The following AMPD3 variants were observed in gnomAD, a reference collection of about 807,000 sequenced individuals.
The protein encoded by AMPD3 is adenosine monophosphate deaminase 3.
Under a neutral mutation model 82.3 loss-of-function variants are expected in AMPD3, and 57 were observed. That is an observed-to-expected ratio of 0.69 (90% CI 0.56 to 0.86). The LOEUF (loss-of-function observed/expected upper bound fraction) is 0.86, where lower values mean the gene tolerates loss of function less well. Ranked by LOEUF, AMPD3 falls within the 40% of genes least tolerant of loss-of-function variation. AMPD3 has a pLI of 0.00. For missense variants in AMPD3, 870 were observed against 1,003.8 expected, an observed-to-expected ratio of 0.87 and a Z score of 1.80; for synonymous variants, 381 against 394.7, an observed-to-expected ratio of 0.97 and a Z score of 0.41.
At chr11:10,472,486 A>G (rs775340982) in intron 2 of AMPD3, among the ~76,000 whole-genome samples, 1 of 152,232 alleles carries the variant, frequency 6.6e-6, no homozygotes. Flanking sequence ...AAATTTTATT[A>G]GTTGAAAAAT....
chr11:10,486,880 A>G (rs1849086136), intron 5 of AMPD3: 2 of 985,342 alleles, frequency 2.0e-6, no homozygotes, highest in South Asian at 4.7e-5. Flanking sequence ...TTTCCCAGGC[A>G]TAAACCAGTT....
intron 1 of AMPD3, among the ~76,000 whole-genome samples, chr11:10,458,525 T>C (rs912034624): frequency 6.6e-6 from 1 of 152,178 alleles, no homozygotes; most frequent in Non-Finnish European, 1.5e-5. Flanking sequence ...TCATTTTGAC[T>C]GCGTGAATCT....
chr11:10,462,831 G>C (rs1339350740), intron 2 of AMPD3, among the ~76,000 whole-genome samples: 1 of 152,210 alleles, frequency 6.6e-6, no homozygotes, highest in African/African-American at 2.4e-5. Flanking sequence ...AGGGTATAAA[G>C]AAGCTAGCTA....
chr11:10,486,983 G>A, intron 5 of AMPD3: 1 of 985,386 alleles, frequency 1.0e-6, no homozygotes, highest in Non-Finnish European at 1.2e-6. Context: ...TAAACAAGAA[G>A]TCAAAACACC....
chr11:10,470,362 T>C (rs1007583635), intron 2 of AMPD3, among the ~76,000 whole-genome samples: 1 of 152,192 alleles, frequency 6.6e-6, no homozygotes, highest in Admixed American at 6.5e-5. Context: ...AATATCATAC[T>C]GAATGGGCAA....
chr11:10,479,622 T>G (rs1157507855), intron 3 of AMPD3, among the ~76,000 whole-genome samples: 1 of 152,236 alleles, frequency 6.6e-6, no homozygotes, highest in Non-Finnish European at 1.5e-5. Context: ...ACCACTGGTT[T>G]TAGTTTCTTA....
intron 9 of AMPD3, chr11:10,496,159 C>G: frequency 1.1e-6 from 1 of 912,086 alleles, no homozygotes; most frequent in Non-Finnish European, 1.3e-6. Context: ...TCGTGATCCA[C>G]CTGCCTCAGC....
At chr11:10,472,879 C>T (rs1361555901) in intron 2 of AMPD3, among the ~76,000 whole-genome samples, 1 of 151,958 alleles carries the variant, frequency 6.6e-6, no homozygotes, top group Non-Finnish European at 1.5e-5. Flanking sequence ...TGGCACATGT[C>T]TGTAATCCCA....
chr11:10,464,741 G>T (rs1481031713), intron 2 of AMPD3, among the ~76,000 whole-genome samples: 2 of 152,168 alleles, frequency 1.3e-5, no homozygotes, highest in Non-Finnish European at 2.9e-5. Context: ...ATGTTCGAAA[G>T]TTAACATTTT....
chr11:10,487,384 T>A lies in AMPD3; in HGVS notation c.939+20T>A. 6.2e-7 allele frequency: 1 copy of A among 1,613,662 alleles called. No homozygotes were observed. Among genetic ancestry groups the A allele is most frequent in the Non-Finnish European group, 8.5e-7 (1 of 1,179,740 alleles). On this transcript the variant is annotated intron_variant, in intron 6 of 14. Transcript: ENST00000396553. ...AGAAAGGTGCGTTAGGGGCGAGTGTTCACAGCTGCCTCACCCGGTCCCCCT... is the reference window on the plus strand; with the variant it reads ...AGAAAGGTGCGTTAGGGGCGAGTGTACACAGCTGCCTCACCCGGTCCCCCT...
intron 2 of AMPD3, 87 bp from the exon 3 acceptor site, chr11:10,478,439 T>A: frequency 1.9e-6 from 3 of 1,587,720 alleles, no homozygotes; most frequent in Non-Finnish European, 2.6e-6. Flanking sequence ...AGCAAAATTC[T>A]CCTGCCACGC....
intron 3 of AMPD3, chr11:10,481,733 T>C (rs1848912627): frequency 1.2e-5 from 5 of 400,054 alleles, no homozygotes; most frequent in South Asian, 8.8e-5. Flanking sequence ...CATCACATTG[T>C]GACAGCACAT....
chr11:10,450,653 C>T, upstream of AMPD3: 1 of 1,012,660 alleles, frequency 9.9e-7, no homozygotes, highest in Non-Finnish European at 1.2e-6. Context: ...GTGCTTCCGG[C>T]CAAGGGCCCT....
intron 2 of AMPD3, among the ~76,000 whole-genome samples, chr11:10,475,515 G>A (rs1449275137): frequency 6.6e-6 from 1 of 152,126 alleles, no homozygotes; most frequent in African/African-American, 2.4e-5. Flanking sequence ...TGCTAGATAT[G>A]GGCCTAGGGG....
At chr11:10,472,732 G>A (rs926272195) in intron 2 of AMPD3, among the ~76,000 whole-genome samples, 4 of 152,074 alleles carry the variant, frequency 2.6e-5, no homozygotes, top group Non-Finnish European at 4.4e-5. Flanking sequence ...GGCTGGGCGC[G>A]GTGGCTCACA....
Position 10,493,550 on chromosome 11 carries a change from G to C in AMPD3, c.1134+7G>C. On this transcript the variant is annotated splice_region_variant and intron_variant, in intron 7 of 14. Transcript: ENST00000396553. ...CTCACTGGATGTCCACGCGGTGAGTGAGCTTCTGCTCCAGTGCCGCCAGCA... is the reference window on the plus strand; with the variant it reads ...CTCACTGGATGTCCACGCGGTGAGTCAGCTTCTGCTCCAGTGCCGCCAGCA... The C allele has an allele frequency of 6.2e-7, 1 of 1,613,650 alleles. No individual in the cohort carries two copies. The highest frequency in any genetic ancestry group is 8.5e-7 in the Non-Finnish European group (1 of 1,179,780).
chr11:10,467,469 A>G (rs1389607835), intron 2 of AMPD3, among the ~76,000 whole-genome samples: 3 of 152,186 alleles, frequency 2.0e-5, no homozygotes, highest in African/African-American at 7.2e-5. Context: ...GATAAGAGGA[A>G]AAAAAATGAA....
At chr11:10,488,688 A>G (rs913401469) in intron 6 of AMPD3, among the ~76,000 whole-genome samples, 1 of 152,078 alleles carries the variant, frequency 6.6e-6, no homozygotes, top group Non-Finnish European at 1.5e-5. Flanking sequence ...TCCTGGGGGA[A>G]GAGTCGGGAT....
At chr11:10,500,497 C>A in intron 11 of AMPD3, 3 of 683,768 alleles carry the variant, frequency 4.4e-6, no homozygotes, top group Non-Finnish European at 5.4e-6. Flanking sequence ...AGACATATGT[C>A]ATGTACAGTA....
Sources: allele counts gnomAD v4.1 joint callset (sites outside exome capture counted in the v4.1 genomes callset), GRCh38; gene constraint gnomAD v4.1.1; transcripts MANE v1.5; gene names NCBI Gene and HGNC (gene_info 2026-07-23, HGNC 2026-07-21).